FAM193A: variants seen among roughly 807,000 people sequenced by gnomAD.
The protein encoded by FAM193A is family with sequence similarity 193 member A.
FAM193A carries 22 observed loss-of-function variants against 126.5 expected under a neutral mutation model. That is an observed-to-expected ratio of 0.17 (90% CI 0.12 to 0.25). The LOEUF is 0.25. Among genes scored for constraint, FAM193A ranks in the 10% least tolerant of loss-of-function variants. FAM193A has a pLI of 1.00. For missense variants in FAM193A, 1,675 were observed against 1,672.8 expected, an observed-to-expected ratio of 1.00 and a Z score of -0.02; for synonymous variants, 761 against 646.8, an observed-to-expected ratio of 1.18 and a Z score of -2.68.
At chr4:2,678,219 C>T (rs988782811) in intron 13 of FAM193A, among the ~76,000 whole-genome samples, 3 of 152,178 alleles carry the variant, frequency 2.0e-5, no homozygotes, top group Non-Finnish European at 4.4e-5. Context: ...CTCCTGAACT[C>T]ATGATCTGCC....
At chr4:2,559,335 T>C (rs1203635786) in intron 1 of FAM193A, among the ~76,000 whole-genome samples, 1 of 152,230 alleles carries the variant, frequency 6.6e-6, no homozygotes, top group Non-Finnish European at 1.5e-5. Context: ...CTCTAATTGT[T>C]GTAGTCGGTG....
chr4:2,680,074 T>C (rs1368390102), intron 13 of FAM193A, among the ~76,000 whole-genome samples: 1 of 152,020 alleles, frequency 6.6e-6, no homozygotes, highest in Non-Finnish European at 1.5e-5. Context: ...TTGGCCAGGC[T>C]GGTCTCAAAC....
In FAM193A at chr4:2,728,895, A is replaced by ATTTTTTTTT. The variant is rs1491485597; in HGVS notation, c.4455-2880_4455-2879insTTTTTTTTT. On this transcript the variant is annotated intron_variant, in intron 20 of 20. Transcript: ENST00000637812. The stretch of plus-strand genomic sequence containing the variant: ...TAAGCAAATATGTTCCACCTCCAAA[A>ATTTTTTTTT]CTTTTTTTTTTTTTTTTTTTTTTTT... Among the ~76,000 whole-genome samples, 5 of 105,706 alleles carry ATTTTTTTTT rather than the reference A, an allele frequency of 4.7e-5. 1 individual carries two copies. The highest frequency in any genetic ancestry group is 4.7e-5 in the African/African-American group (1 of 21,286). 69.3% of individuals were successfully genotyped at this position (105,706 alleles called of 152,430 possible).
At chr4:2,635,182 TC>T (rs1299213471) in intron 5 of FAM193A, among the ~76,000 whole-genome samples, 2 of 152,304 alleles carry the variant, frequency 1.3e-5, no homozygotes, top group East Asian at 3.9e-4. Context: ...GTTATTCCAA[TC>T]AGGACCCAAA....
At chr4:2,698,255 T>C (rs1717268786) in intron 18 of FAM193A, among the ~76,000 whole-genome samples, 1 of 152,196 alleles carries the variant, frequency 6.6e-6, no homozygotes, top group Non-Finnish European at 1.5e-5. Flanking sequence ...TTTACATGCT[T>C]GTTATTTGTC....
In FAM193A at chr4:2,629,489, A is replaced by T. The variant is rs546536269; in HGVS notation, c.804-1446A>T. On this transcript the variant is annotated intron_variant, in intron 4 of 20. Coordinates refer to ENST00000637812, the MANE Select transcript of FAM193A (RefSeq NM_001366318.2). Reference sequence around the variant, plus strand: ...ACTATTTTTTTAATCCACATTTTCCATAAGGCTTCACATGTTCCATTGCAA... The same window carrying T: ...ACTATTTTTTTAATCCACATTTTCCTTAAGGCTTCACATGTTCCATTGCAA... 3.3e-5 allele frequency among the ~76,000 whole-genome samples: 5 copies of T among 152,336 alleles called. No homozygotes were observed. In the South Asian group the frequency reaches 1.0e-3, roughly 32 times the overall value.
intron 2 of FAM193A, among the ~76,000 whole-genome samples, chr4:2,608,677 A>G (rs936283109): frequency 6.6e-6 from 1 of 152,176 alleles, no homozygotes; most frequent in Non-Finnish European, 1.5e-5. Flanking sequence ...ATAACATTCT[A>G]TCTCGGGCCC....
chr4:2,710,024 A>G (rs1268090797), intron 19 of FAM193A, among the ~76,000 whole-genome samples: 3 of 152,036 alleles, frequency 2.0e-5, no homozygotes, highest in Non-Finnish European at 4.4e-5. Context: ...TTTCTTTGCA[A>G]TGATTATTTT....
At chr4:2,578,869 A>AGAG (rs372413730) in intron 1 of FAM193A, among the ~76,000 whole-genome samples, 4,340 of 151,546 alleles carry the variant, frequency 0.029, 220 homozygotes, top group African/African-American at 0.099. Flanking sequence ...CTAGGCTGAG[A>AGAG]GAGGAGGAGG....
chr4:2,641,340 C>A (rs1577119542), intron 6 of FAM193A, among the ~76,000 whole-genome samples: 1 of 151,982 alleles, frequency 6.6e-6, no homozygotes, highest in Non-Finnish European at 1.5e-5. Flanking sequence ...ACCCACCATG[C>A]CCAATCTGCT....
intron 2 of FAM193A, among the ~76,000 whole-genome samples, chr4:2,621,841 C>T (rs1401858416): frequency 1.3e-5 from 2 of 152,264 alleles, no homozygotes; most frequent in South Asian, 2.1e-4. Flanking sequence ...GGAACAGCCT[C>T]TTCTACCACT....
chr4:2,574,274 G>A (rs1386119461), intron 1 of FAM193A, among the ~76,000 whole-genome samples: 6 of 152,082 alleles, frequency 3.9e-5, no homozygotes, highest in African/African-American at 1.4e-4. Context: ...GTGGAACATG[G>A]GGAGTGGAGC....
intron 4 of FAM193A, among the ~76,000 whole-genome samples, chr4:2,628,594 T>G (rs921637039): frequency 1.3e-5 from 2 of 151,960 alleles, no homozygotes; most frequent in African/African-American, 4.8e-5. Context: ...CTAGGATCGC[T>G]CCACTGCACA....
chr4:2,598,876 C>T (rs948897069), intron 2 of FAM193A, among the ~76,000 whole-genome samples: 1 of 152,176 alleles, frequency 6.6e-6, no homozygotes, highest in Non-Finnish European at 1.5e-5. Flanking sequence ...CTTCTCAGTT[C>T]CCCCCTCTAG....
intron 12 of FAM193A, among the ~76,000 whole-genome samples, chr4:2,669,911 C>G (rs1302621190): frequency 6.6e-6 from 1 of 152,228 alleles, no homozygotes; most frequent in Non-Finnish European, 1.5e-5. Context: ...CATTGTGTGC[C>G]AGAGTTCTGC....
chr4:2,627,441 G>A (rs1348971284), intron 4 of FAM193A, among the ~76,000 whole-genome samples: 8 of 74,132 alleles, frequency 1.1e-4, no homozygotes, highest in Admixed American at 7.6e-4. Context: ...GAGCCACTGC[G>A]TCCGGCAACA....
chr4:2,550,822 G>C (rs1737876920), intron 1 of FAM193A, among the ~76,000 whole-genome samples: 1 of 139,472 alleles, frequency 7.2e-6, no homozygotes, highest in Non-Finnish European at 1.5e-5. Context: ...TTTATTTAGA[G>C]ATGAGTCTTG....
chr4:2,663,694 C>G (rs1476189505), intron 12 of FAM193A, among the ~76,000 whole-genome samples: 1 of 152,278 alleles, frequency 6.6e-6, no homozygotes, highest in East Asian at 1.9e-4. Flanking sequence ...TGGCCGGGCG[C>G]AGTGGCTCAC....
chr4:2,646,225 A>G (rs568925055), intron 6 of FAM193A, among the ~76,000 whole-genome samples: 1 of 126,676 alleles, frequency 7.9e-6, no homozygotes, highest in African/African-American at 3.0e-5. Context: ...GCTGGAGTGC[A>G]ATGGTGTGAT....
Sources: allele counts gnomAD v4.1 joint callset (sites outside exome capture counted in the v4.1 genomes callset), GRCh38; gene constraint gnomAD v4.1.1; transcripts MANE v1.5; gene names NCBI Gene and HGNC (gene_info 2026-07-23, HGNC 2026-07-21).